Variants in DIP2B observed in about 807,000 individuals in gnomAD.
DIP2B encodes the protein disco-interacting protein 2 homolog B.
DIP2B carries 76 observed loss-of-function variants against 198.0 expected under a neutral mutation model. The ratio of observed to expected loss-of-function variants is 0.38; its 90% CI spans 0.32 to 0.46. The LOEUF (loss-of-function observed/expected upper bound fraction) is 0.46, where lower values mean the gene tolerates loss of function less well. Among genes scored for constraint, DIP2B ranks in the 20% least tolerant of loss-of-function variants. The pLI is 0.99. For synonymous variants in DIP2B, 701 were observed against 739.1 expected (o/e 0.95, Z 0.84); for missense variants, 1,559 against 1,978.4 (o/e 0.79, Z 4.02).
chr12:50,742,404 A>C (rs1242229445), intron 37 of DIP2B, among the ~76,000 whole-genome samples: 3 of 113,498 alleles, frequency 2.6e-5, no homozygotes, highest in Non-Finnish European at 4.3e-5. Flanking sequence ...CAAAAAAAAA[A>C]AAAAAAAAAA....
At chr12:50,593,692 TCTCCTCTCCTCTCCC>T (rs1225082732) in intron 1 of DIP2B, among the ~76,000 whole-genome samples, 2 of 94,170 alleles carry the variant, frequency 2.1e-5, no homozygotes, top group Non-Finnish European at 4.5e-5. Flanking sequence ...TACACTCTTT[TCTCCTCTCCTCTCCC>T]CTCCTCTCCT....
At chr12:50,577,100 A>G (rs1958669251) in intron 1 of DIP2B, among the ~76,000 whole-genome samples, 1 of 152,142 alleles carries the variant, frequency 6.6e-6, no homozygotes, top group Non-Finnish European at 1.5e-5. Flanking sequence ...CACCATGCCC[A>G]GTCAAGACTT....
Position 50,695,456 on chromosome 12 carries a change from G to A in DIP2B, c.1813+96G>A, listed in dbSNP as rs982158788. ...TTTCAAATTGCCCTTGTATGCCCCTGTCCCTTAACAAATTGTAGAGTTTAG... is the reference window on the plus strand; with the variant it reads ...TTTCAAATTGCCCTTGTATGCCCCTATCCCTTAACAAATTGTAGAGTTTAG... On this transcript the variant is annotated intron_variant, in intron 15 of 37. Coordinates refer to ENST00000301180, the MANE Select transcript of DIP2B (RefSeq NM_173602.3). 3.5e-6 allele frequency: 4 copies of A among 1,138,474 alleles called. No homozygotes were observed. In the South Asian group the frequency reaches 4.0e-5, roughly 11 times the overall value. 70.5% of individuals were successfully genotyped at this position (1,138,474 alleles called of 1,614,324 possible). A position where few individuals can be genotyped will look rare whatever the true frequency, so the allele number is the denominator to read the frequency against.
Position 50,698,250 on chromosome 12 carries a change from A to G in DIP2B, c.2049-78A>G, listed in dbSNP as rs534034299. ...ATTTTTTTGGTATTGTAGCCAGAGG[A>G]AATTTGTCTTCCTATGTATTTGTAT... On this transcript the variant is annotated intron_variant, in intron 17 of 37. Coordinates refer to ENST00000301180, the MANE Select transcript of DIP2B (RefSeq NM_173602.3). The G allele has an allele frequency of 4.8e-5, 73 of 1,508,648 alleles. No individual in the cohort carries two copies. In the Middle Eastern group the frequency reaches 1.6e-3, roughly 33 times the overall value. 93.5% of individuals were successfully genotyped at this position (1,508,648 alleles called of 1,614,324 possible).
chr12:50,647,755 G>A (rs2139495569), intron 3 of DIP2B, among the ~76,000 whole-genome samples: 1 of 152,224 alleles, frequency 6.6e-6, no homozygotes, highest in East Asian at 1.9e-4. Flanking sequence ...TCTGGCCCTG[G>A]TCCTTAAAGC....
At position 50,640,864 on chromosome 12, in the gene DIP2B, C is replaced by T. The variant is rs752404274; in HGVS notation, c.301+12C>T. On this transcript the variant is annotated intron_variant, in intron 3 of 37. Transcript: ENST00000301180. ...ACGATATCGATCAGGTGAGGAGAAGCTGCAGAATGGCCAGCTGAATCGTTT... is the reference window on the plus strand; with the variant it reads ...ACGATATCGATCAGGTGAGGAGAAGTTGCAGAATGGCCAGCTGAATCGTTT... The T allele has an allele frequency of 3.1e-6, 5 of 1,609,178 alleles. No individual in the cohort carries two copies. The South Asian group carries it at 5.5e-5, about 18-fold the overall frequency.
chr12:50,625,925 A>AC, intron 1 of DIP2B, 51 bp from the exon 2 acceptor site: 1 of 1,573,214 alleles, frequency 6.4e-7, no homozygotes, highest in Non-Finnish European at 8.7e-7. Flanking sequence ...ACAGTGGAAA[A>AC]CCACAGAGTA....
rs1940334057 is a variant in DIP2B, at chr12:50,745,856, G to GTAAA, written c.*1018_*1021dup. 2.0e-5 allele frequency: 3 copies of GTAAA among 152,214 alleles called. No homozygotes were observed. The highest frequency in any genetic ancestry group is 2.0e-4 in the Admixed American group (3 of 15,278). The allele number at this position is 152,214 out of a possible 1,614,324, so 9.4% of individuals were successfully genotyped here. A position where few individuals can be genotyped will look rare whatever the true frequency, so the allele number is the denominator to read the frequency against. On this transcript the variant is annotated 3_prime_UTR_variant, in exon 38 of 38. Coordinates refer to ENST00000301180, the MANE Select transcript of DIP2B (RefSeq NM_173602.3). ...GGATTTCCTCTTTTCCAGGCACATT[G>GTAAA]TAAACTGTGTCTACAGTTTATCCAT...
intron 26 of DIP2B, 43 bp downstream of exon 26, chr12:50,721,439 AGACT>A: frequency 6.2e-7 from 1 of 1,609,038 alleles, no homozygotes; most frequent in East Asian, 2.2e-5. Context: ...CTCCAATACT[AGACT>A]GACTACAAAT....
chr12:50,505,566 G>C (rs1227962390), intron 1 of DIP2B, among the ~76,000 whole-genome samples: 1 of 152,174 alleles, frequency 6.6e-6, no homozygotes, highest in Admixed American at 6.5e-5. Flanking sequence ...TGGCCCAGGT[G>C]GGGTGAGGGG....
At chr12:50,574,878 G>T (rs996218588) in intron 1 of DIP2B, among the ~76,000 whole-genome samples, 1 of 152,208 alleles carries the variant, frequency 6.6e-6, no homozygotes, top group African/African-American at 2.4e-5. Flanking sequence ...TTTGTTTATC[G>T]GAACGATGGG....
intron 1 of DIP2B, among the ~76,000 whole-genome samples, chr12:50,508,004 C>CT (rs772009943): frequency 4.0e-5 from 6 of 151,730 alleles, no homozygotes; most frequent in Non-Finnish European, 8.8e-5. Flanking sequence ...TTGTGCTTGC[C>CT]TGTATTTTCA....
intron 1 of DIP2B, among the ~76,000 whole-genome samples, chr12:50,616,732 C>T (rs1265124818): frequency 6.6e-6 from 1 of 152,158 alleles, no homozygotes; most frequent in African/African-American, 2.4e-5. Context: ...CTTTCTAGAT[C>T]ACCTCTGGAA....
intron 1 of DIP2B, among the ~76,000 whole-genome samples, chr12:50,573,802 T>G (rs1476523776): frequency 1.3e-5 from 2 of 152,228 alleles, no homozygotes; most frequent in African/African-American, 4.8e-5. Context: ...TATGCTGTTG[T>G]GGAAGTATTT....
chr12:50,563,484 G>A (rs1028913302), intron 1 of DIP2B, among the ~76,000 whole-genome samples: 2 of 136,514 alleles, frequency 1.5e-5, no homozygotes, highest in Admixed American at 7.6e-5. Flanking sequence ...ACTGCACCTG[G>A]CCTTTTTTTT....
chr12:50,697,242 C>T (rs1189420523), intron 17 of DIP2B, 67 bp downstream of exon 17: 2 of 1,370,620 alleles, frequency 1.5e-6, no homozygotes, highest in African/African-American at 2.9e-5. Context: ...CAGTATTTAC[C>T]AGGTGATGAC....
intron 1 of DIP2B, among the ~76,000 whole-genome samples, chr12:50,517,825 TC>T (rs1039557666): frequency 3.8e-4 from 58 of 152,344 alleles, no homozygotes; most frequent in African/African-American, 1.3e-3. Flanking sequence ...GGTATGTTCT[TC>T]CCCTTTTTTT....
rs953671498 is a variant in DIP2B, at chr12:50,732,676, C to T, written c.3981+140C>T. 1.8e-5 allele frequency: 19 copies of T among 1,059,702 alleles called. No individual in the cohort carries two copies. The South Asian group carries it at 1.9e-4, about 10-fold the overall frequency. 65.6% of individuals were successfully genotyped at this position (1,059,702 alleles called of 1,614,324 possible). On this transcript the variant is annotated intron_variant, in intron 32 of 37. Coordinates refer to ENST00000301180, the MANE Select transcript of DIP2B (RefSeq NM_173602.3). ...TTTGGAACTTCGGGCTTTTAAATCT[C>T]GATTTCTTTGTGTCTCATTTTGCTC...
rs145020591 is a variant in DIP2B at position 50,662,673 on chromosome 12, C to T, written c.427+2354C>T. On this transcript the variant is annotated intron_variant, in intron 4 of 37. Coordinates refer to ENST00000301180, the MANE Select transcript of DIP2B (RefSeq NM_173602.3). ...CAGCGATGTGGAATAGGTTTTATCTCGCATATGTACTCTGATAGCCATAGA... is the reference window on the plus strand; with the variant it reads ...CAGCGATGTGGAATAGGTTTTATCTTGCATATGTACTCTGATAGCCATAGA... Among the ~76,000 whole-genome samples the T allele has an allele frequency of 7.9e-4, 120 of 152,226 alleles. 1 individual carries two copies. The highest frequency in any genetic ancestry group is 2.7e-3 in the African/African-American group (113 of 41,538).
Sources: gnomAD v4.1 joint callset for allele counts (sites outside exome capture counted in the v4.1 genomes callset) on GRCh38, gnomAD v4.1.1 for gene constraint, MANE v1.5 for transcripts, NCBI Gene and HGNC (gene_info 2026-07-23, HGNC 2026-07-21) for gene names.